Variants in CHST12 observed in about 807,000 individuals in gnomAD.
CHST12 encodes the protein carbohydrate (chondroitin 4) sulfotransferase 12.
In CHST12, 23 loss-of-function variants were observed where a neutral mutation model predicts 27.9. The ratio of observed to expected loss-of-function variants is 0.82; its 90% CI spans 0.59 to 1.17. The LOEUF (loss-of-function observed/expected upper bound fraction) is 1.17, where lower values mean the gene tolerates loss of function less well. CHST12 is among the 50% of genes most tolerant of loss of function. The pLI is 0.00. For synonymous variants in CHST12, 322 were observed against 273.0 expected, an observed-to-expected ratio of 1.18 and a Z score of -1.77; for missense variants, 682 against 603.0, an observed-to-expected ratio of 1.13 and a Z score of -1.37.
rs747308551 is a variant in CHST12 at position 2,432,967 on chromosome 7, G to A, written c.328G>A (p.Asp110Asn). 2.5e-6 allele frequency: 4 copies of A among 1,609,210 alleles called. No individual in the cohort carries two copies. The highest frequency in any genetic ancestry group is 2.7e-5 in the African/African-American group (2 of 74,928). Residue 110 changes from aspartate (D) to asparagine (N), a missense_variant, in exon 2 of 2, where the codon GAC (aspartate) becomes AAC (asparagine). By Grantham distance (23) the Asp-to-Asn change is conservative (BLOSUM62 1). Transcript: ENST00000618655. ...SVRGYDWSPRDARRSPDQGRQ... is the reference protein window; with the variant it reads ...SVRGYDWSPRNARRSPDQGRQ... ...GAGAGGCTACGACTGGTCCCCGCGC[G>A]ACGCCCGGCGCAGCCCAGACCAGGG...
chr7:2,405,172 A>G (rs892118612), intron 1 of CHST12, among the ~76,000 whole-genome samples: 1 of 152,066 alleles, frequency 6.6e-6, no homozygotes, highest in Non-Finnish European at 1.5e-5. Context: ...AGGCCGGGCG[A>G]GGTGGCTCGT....
chr7:2,438,129 G>C lies in CHST12; in HGVS notation c.*4245G>C, dbSNP rs886277740. 6 of 152,342 alleles carry C rather than the reference G, an allele frequency of 3.9e-5. No individual in the cohort carries two copies. The highest frequency in any genetic ancestry group is 1.4e-4 in the African/African-American group (6 of 41,470). The allele number at this position is 152,342 out of a possible 1,614,324, so 9.4% of individuals were successfully genotyped here. On this transcript the variant is annotated 3_prime_UTR_variant, in exon 2 of 2. Transcript: ENST00000618655. Reference sequence around the variant, plus strand: ...TCCTGGTGCAGACCAGGTCTCCCCAGAGGGACCCTCCTGAGCTGAGCTGCC... The same window carrying C: ...TCCTGGTGCAGACCAGGTCTCCCCACAGGGACCCTCCTGAGCTGAGCTGCC...
rs1299899244 is a variant in CHST12, at chr7:2,442,181, T to C, written c.*8297T>C. 6.6e-6 allele frequency: 1 copy of C among 152,212 alleles called. No homozygotes were observed. Among genetic ancestry groups the C allele is most frequent in the Non-Finnish European group, 1.5e-5 (1 of 68,042 alleles). 9.4% of individuals were successfully genotyped at this position (152,212 alleles called of 1,614,324 possible). A position where few individuals can be genotyped will look rare whatever the true frequency, so the allele number is the denominator to read the frequency against. ...TCTGGCTTCTTCATGTAGTATAATGTCTTCAAGGTTCATTCATGTTGTAGT... is the reference window on the plus strand; with the variant it reads ...TCTGGCTTCTTCATGTAGTATAATGCCTTCAAGGTTCATTCATGTTGTAGT... On this transcript the variant is annotated 3_prime_UTR_variant, in exon 2 of 2. Transcript: ENST00000618655.
intron 1 of CHST12, among the ~76,000 whole-genome samples, chr7:2,421,594 G>C (rs1328705290): frequency 3.3e-5 from 5 of 151,974 alleles, no homozygotes; most frequent in African/African-American, 1.2e-4. Flanking sequence ...ACACCACCAT[G>C]CCAGGCTAAT....
intron 1 of CHST12, among the ~76,000 whole-genome samples, chr7:2,407,388 C>T (rs1781551492): frequency 6.6e-6 from 1 of 152,110 alleles, no homozygotes; most frequent in South Asian, 2.1e-4. Flanking sequence ...TTTGAGGCTG[C>T]AGTGAGCTGT....
rs184806922 is a variant in CHST12 at position 2,440,901 on chromosome 7, G to A, written c.*7017G>A. On this transcript the variant is annotated 3_prime_UTR_variant, in exon 2 of 2. Transcript: ENST00000618655. Reference sequence around the variant, plus strand: ...ACCTCGTGAGTGGTCATAAGTTAGCGTGTCTAAATGCACTTTGAAATCCTA... The same window carrying A: ...ACCTCGTGAGTGGTCATAAGTTAGCATGTCTAAATGCACTTTGAAATCCTA... 2.0e-5 allele frequency: 3 copies of A among 152,274 alleles called. No individual in the cohort carries two copies. The highest frequency in any genetic ancestry group is 6.5e-5 in the Admixed American group (1 of 15,286). 9.4% of individuals were successfully genotyped at this position (152,274 alleles called of 1,614,324 possible).
intron 1 of CHST12, among the ~76,000 whole-genome samples, chr7:2,416,323 A>G (rs542036781): frequency 6.6e-6 from 1 of 151,990 alleles, no homozygotes; most frequent in South Asian, 2.1e-4. Flanking sequence ...GGAGTCTTGA[A>G]CTCCTCAGAG....
At chr7:2,431,485 G>T (rs1424050803) in intron 1 of CHST12, among the ~76,000 whole-genome samples, 1 of 152,312 alleles carries the variant, frequency 6.6e-6, no homozygotes, top group South Asian at 2.1e-4. Flanking sequence ...ACCTGGCTGG[G>T]GGAGAGGGAG....
At chr7:2,406,002 G>A (rs1237992934) in intron 1 of CHST12, among the ~76,000 whole-genome samples, 1 of 152,168 alleles carries the variant, frequency 6.6e-6, no homozygotes, top group Non-Finnish European at 1.5e-5. Flanking sequence ...AGTCATTGAG[G>A]CTGGCAGGTG....
In CHST12 at chr7:2,443,186, C is replaced by G. The variant is rs1782662756; in HGVS notation, c.*9302C>G. The stretch of plus-strand genomic sequence containing the variant: ...GTGCAATCTCAGCTCACTGCAACCT[C>G]TGCCTTCTGGGTTCAAGCCATTCTT... On this transcript the variant is annotated 3_prime_UTR_variant, in exon 2 of 2. Transcript: ENST00000618655. 6.6e-6 allele frequency: 1 copy of G among 152,254 alleles called. No homozygotes were observed. Among genetic ancestry groups the G allele is most frequent in the Admixed American group, 6.5e-5 (1 of 15,280 alleles). 9.4% of individuals were successfully genotyped at this position (152,254 alleles called of 1,614,324 possible).
rs1782801543 is a variant in CHST12 at position 2,448,180 on chromosome 7, T to G, written c.*14296T>G. The G allele has an allele frequency of 6.6e-6, 1 of 152,244 alleles. No homozygotes were observed. Among genetic ancestry groups the G allele is most frequent in the Non-Finnish European group, 1.5e-5 (1 of 68,068 alleles). The allele number at this position is 152,244 out of a possible 1,614,324, so 9.4% of individuals were successfully genotyped here. ...GCCGTGCCTGGCCACAAACATATTT[T>G]AAATTTGAACAATAAAGGAACTGGA... On this transcript the variant is annotated 3_prime_UTR_variant, in exon 2 of 2. Transcript: ENST00000618655.
rs1464698179 is a variant in CHST12 at position 2,447,156 on chromosome 7, G to C, written c.*13272G>C. ...GGCAGGCCTGGGCTGCAGAGAGCCT[G>C]AAGGTCATGGGGTAGCTGGTGGAAG... is the stretch of plus-strand genomic sequence containing the variant. On this transcript the variant is annotated 3_prime_UTR_variant, in exon 2 of 2. Transcript: ENST00000618655. The C allele has an allele frequency of 1.3e-5, 2 of 152,410 alleles. No homozygotes were observed. The highest frequency in any genetic ancestry group is 4.8e-5 in the African/African-American group (2 of 41,456). 9.4% of individuals were successfully genotyped at this position (152,410 alleles called of 1,614,324 possible).
intron 1 of CHST12, among the ~76,000 whole-genome samples, chr7:2,422,403 C>A (rs1248576131): frequency 6.6e-6 from 1 of 151,742 alleles, no homozygotes; most frequent in African/African-American, 2.4e-5. Context: ...TGCCACCATG[C>A]CCGGCTTATT....
At chr7:2,416,353 C>G (rs1385732708) in intron 1 of CHST12, among the ~76,000 whole-genome samples, 2 of 152,200 alleles carry the variant, frequency 1.3e-5, no homozygotes, top group African/African-American at 4.8e-5. Flanking sequence ...AGGACTGGAA[C>G]CAACCTCTTC....
chr7:2,418,612 A>G (rs1359902032), intron 1 of CHST12, among the ~76,000 whole-genome samples: 1 of 152,060 alleles, frequency 6.6e-6, no homozygotes, highest in African/African-American at 2.4e-5. Flanking sequence ...GTTGCCCATG[A>G]TGTGTTTTGG....
chr7:2,432,536 T>G, intron 1 of CHST12, 27 bp from the exon 2 acceptor site: 1 of 1,293,176 alleles, frequency 7.7e-7, no homozygotes, highest in Non-Finnish European at 1.1e-6. Context: ...ACCTCAGTCA[T>G]TAACTAGTGT....
rs1782716882 is a variant in CHST12 at position 2,445,095 on chromosome 7, A to G, written c.*11211A>G. The G allele has an allele frequency of 6.6e-6, 1 of 152,230 alleles. No individual in the cohort carries two copies. The highest frequency in any genetic ancestry group is 1.5e-5 in the Non-Finnish European group (1 of 68,060). The allele number at this position is 152,230 out of a possible 1,614,324, so 9.4% of individuals were successfully genotyped here. A position where few individuals can be genotyped will look rare whatever the true frequency, so the allele number is the denominator to read the frequency against. On this transcript the variant is annotated 3_prime_UTR_variant, in exon 2 of 2. Coordinates refer to ENST00000618655, the MANE Select transcript of CHST12 (RefSeq NM_018641.5). Reference sequence around the variant, plus strand: ...GGTTTCAAAGGGGGCTGGCTTTGAAAGTGGTCTGGGCTTCTAAAAGGTTTG... The same window carrying G: ...GGTTTCAAAGGGGGCTGGCTTTGAAGGTGGTCTGGGCTTCTAAAAGGTTTG...
chr7:2,447,481 T>G lies in CHST12; in HGVS notation c.*13597T>G, dbSNP rs1336470924. The G allele has an allele frequency of 6.6e-6, 1 of 152,350 alleles. No individual in the cohort carries two copies. The highest frequency in any genetic ancestry group is 2.4e-5 in the African/African-American group (1 of 41,436). 9.4% of individuals were successfully genotyped at this position (152,350 alleles called of 1,614,324 possible). A position where few individuals can be genotyped will look rare whatever the true frequency, so the allele number is the denominator to read the frequency against. On this transcript the variant is annotated 3_prime_UTR_variant, in exon 2 of 2. Transcript: ENST00000618655. ...TCTTCTGAAATGAACACTTTTTTGT[T>G]GTTGTTGTTGAGACAGAGTCTTGCT... is the stretch of plus-strand genomic sequence containing the variant.
rs1043717056 is a variant in CHST12 at position 2,433,161 on chromosome 7, C to T, written c.522C>T (p.Ala174=). ...GAIYCYVPKV[A]CTNWKRVMIV... ...TCTACTGCTACGTGCCCAAGGTGGCCTGCACCAACTGGAAGCGCGTGATGA... is the reference window on the plus strand; with the variant it reads ...TCTACTGCTACGTGCCCAAGGTGGCTTGCACCAACTGGAAGCGCGTGATGA... The change falls in exon 2 of 2, where the codon GCC becomes GCT. Residue 174 remains alanine (A), a synonymous_variant. Coordinates refer to ENST00000618655, the MANE Select transcript of CHST12 (RefSeq NM_018641.5). The surrounding 1 kb of genome is among the most constrained non-coding windows in gnomAD (Gnocchi z 6.1). 3 of 1,612,986 alleles carry T rather than the reference C, an allele frequency of 1.9e-6. No homozygotes were observed. The highest frequency in any genetic ancestry group is 2.2e-5 in the East Asian group (1 of 44,856).
Sources: gnomAD v4.1 joint callset for allele counts (sites outside exome capture counted in the v4.1 genomes callset) on GRCh38, gnomAD v4.1.1 for gene constraint, Gnocchi (gnomAD v3.1) non-coding constraint, MANE v1.5 for transcripts, NCBI Gene and HGNC (gene_info 2026-07-23, HGNC 2026-07-21) for gene names.